Variants in PLCH2 observed in about 807,000 individuals in gnomAD.
PLCH2 encodes 1-phosphatidylinositol 4,5-bisphosphate phosphodiesterase eta-2.
Under a neutral mutation model 134.7 loss-of-function variants are expected in PLCH2, and 98 were observed. The observed-to-expected ratio is 0.73, with a 90% CI of 0.62 to 0.86. The LOEUF (loss-of-function observed/expected upper bound fraction) is 0.86. Among genes scored for constraint, PLCH2 ranks in the 40% least tolerant of loss-of-function variants. PLCH2 has a pLI of 0.00. For synonymous variants in PLCH2, 974 were observed against 827.5 expected, an observed-to-expected ratio of 1.18 and a Z score of -3.04; for missense variants, 1,994 against 1,986.6, an observed-to-expected ratio of 1.00 and a Z score of -0.07.
the PLCH2 span, among the ~76,000 whole-genome samples, chr1:2,416,526 G>A: frequency 1.3e-5 from 2 of 152,190 alleles, no homozygotes; most frequent in African/African-American, 4.8e-5. Context: ...CCCAGGACCT[G>A]GAGGTACCTG....
intron 2 of PLCH2, among the ~76,000 whole-genome samples, chr1:2,443,927 GC>G (rs1414047182): frequency 1.3e-5 from 2 of 151,768 alleles, no homozygotes; most frequent in African/African-American, 4.8e-5. Flanking sequence ...CCTCGCTGCA[GC>G]CGCCACGGAG....
intron 2 of PLCH2, 54 bp downstream of exon 2, chr1:2,478,676 G>T: frequency 1.4e-5 from 21 of 1,527,236 alleles, no homozygotes; most frequent in Admixed American, 1.9e-5. Context: ...GGGACACGAC[G>T]GTAGGGACCC....
At chr1:2,485,422 A>T (rs1248675943) in intron 5 of PLCH2, among the ~76,000 whole-genome samples, 1 of 152,222 alleles carries the variant, frequency 6.6e-6, no homozygotes, top group African/African-American at 2.4e-5. Context: ...GCCACCCTCC[A>T]GCCTCGTAGG....
chr1:2,505,059 T>G lies in PLCH2; in HGVS notation c.4097T>G (p.Leu1366Arg). The G allele has an allele frequency of 6.5e-7, 1 of 1,539,948 alleles. No homozygotes were observed. Among genetic ancestry groups the G allele is most frequent in the East Asian group, 2.4e-5 (1 of 41,224 alleles). ...AQERQQRLQGLGRQGPPEEER... is the reference protein window; with the variant it reads ...AQERQQRLQGRGRQGPPEEER... Reference sequence around the variant, plus strand: ...GAGCGGCAGCAGAGACTGCAGGGCCTGGGCCGGCAGGGACCCCCAGAAGAG... The same window carrying G: ...GAGCGGCAGCAGAGACTGCAGGGCCGGGGCCGGCAGGGACCCCCAGAAGAG... The change falls in exon 22 of 22, where the codon CTG (leucine) becomes CGG (arginine). Residue 1366 changes from leucine (L) to arginine (R), a missense_variant. Leu to Arg is a moderately radical substitution (Grantham distance 102, BLOSUM62 -2). Coordinates refer to ENST00000378486, the MANE Select transcript of PLCH2 (RefSeq NM_014638.4).
intron 2 of PLCH2, chr1:2,430,723 G>A (rs771359718): frequency 1.3e-5 from 2 of 152,244 alleles, no homozygotes; most frequent in Non-Finnish European, 2.9e-5. Flanking sequence ...GGGACAATAC[G>A]GTTCAGGGTT....
In PLCH2 at chr1:2,444,188, CG is replaced by C. The variant is rs1342775031; in HGVS notation, c.115+13563del. Among the ~76,000 whole-genome samples the C allele has an allele frequency of 6.6e-6, 1 of 152,106 alleles. No homozygotes were observed. Among genetic ancestry groups the C allele is most frequent in the African/African-American group, 2.4e-5 (1 of 41,420 alleles). On this transcript the variant is annotated intron_variant, in intron 2 of 3. Transcript: ENST00000609981. This position sits in a 1 kb window ranked among gnomAD's most constrained non-coding sequence, Gnocchi z 4.6. ...TGAGCTCTCCGGATGGCCTCAGGTG[CG>C]GGGTGAGGGATCTGGGGGCCGCCCC...
At chr1:2,457,551 C>T (rs548588920) in intron 2 of PLCH2, among the ~76,000 whole-genome samples, 15 of 152,248 alleles carry the variant, frequency 9.9e-5, no homozygotes, top group African/African-American at 2.6e-4. Flanking sequence ...CTGTGTGTTG[C>T]GGGACGGGGC....
Position 2,498,399 on chromosome 1 carries a change from C to T in PLCH2, c.2225-124C>T. The stretch of plus-strand genomic sequence containing the variant: ...CCCTGGACCACTGCCTCCCTCCCTC[C>T]CCCTGGCACCGGCTCCAGTCTCCTA... On this transcript the variant is annotated intron_variant, in intron 16 of 21. Transcript: ENST00000378486. The surrounding 1 kb of genome is among the most constrained non-coding windows in gnomAD (Gnocchi z 5.4). The T allele has an allele frequency of 3.5e-6, 4 of 1,127,510 alleles. No individual in the cohort carries two copies. 69.8% of individuals were successfully genotyped at this position (1,127,510 alleles called of 1,614,324 possible). A position where few individuals can be genotyped will look rare whatever the true frequency, so the allele number is the denominator to read the frequency against.
intron 2 of PLCH2, among the ~76,000 whole-genome samples, chr1:2,437,174 G>A (rs1265142857): frequency 6.6e-6 from 1 of 152,210 alleles, no homozygotes; most frequent in African/African-American, 2.4e-5. Context: ...AGGTCCCCGG[G>A]TCATGGAGGG....
intron 20 of PLCH2, chr1:2,501,768 G>A (rs562525481): frequency 1.5e-5 from 4 of 266,576 alleles, no homozygotes; most frequent in South Asian, 1.6e-4. Flanking sequence ...GGCCAGGCTG[G>A]GGCTCGAGGT....
rs1246978140 is a variant in PLCH2 at position 2,443,360 on chromosome 1, T to TG, written c.115+12737dup. Among the ~76,000 whole-genome samples, 4 of 151,390 alleles carry TG rather than the reference T, an allele frequency of 2.6e-5. 1 individual carries two copies. In the South Asian group the frequency reaches 8.4e-4, roughly 32 times the overall value. On this transcript the variant is annotated intron_variant, in intron 2 of 3. Coordinates refer to the PLCH2 transcript ENST00000609981. ...TCCTCAAACGCCAGGGTGTTGGGAG[T>TG]GGGGGGTGGGTTGTAGTGTCGCCGG...
intron 2 of PLCH2, among the ~76,000 whole-genome samples, chr1:2,437,908 C>T (rs952380421): frequency 2.6e-5 from 4 of 152,254 alleles, no homozygotes; most frequent in African/African-American, 4.8e-5. Context: ...TTCCAGAACT[C>T]GCCTCTCACC....
intron 2 of PLCH2, chr1:2,479,490 C>T (rs963383551): frequency 6.4e-5 from 30 of 468,980 alleles, no homozygotes; most frequent in African/African-American, 3.7e-4. Flanking sequence ...TGCTCTCCCT[C>T]GTGGGGGCGT....
chr1:2,471,841 C>T (rs1002594785), upstream of PLCH2, among the ~76,000 whole-genome samples: 3 of 152,200 alleles, frequency 2.0e-5, no homozygotes, highest in East Asian at 5.8e-4. Context: ...CCCCCTCCGG[C>T]CTGCTCCCCT....
the PLCH2 span, among the ~76,000 whole-genome samples, chr1:2,420,187 C>T: frequency 6.6e-6 from 1 of 152,118 alleles, no homozygotes; most frequent in Non-Finnish European, 1.5e-5. Context: ...ACATCCCTCT[C>T]AGCTGACCCC....
intron 2 of PLCH2, among the ~76,000 whole-genome samples, chr1:2,460,788 A>G (rs930903521): frequency 6.6e-6 from 1 of 151,972 alleles, no homozygotes; most frequent in African/African-American, 2.4e-5. Flanking sequence ...GGCTGACCTG[A>G]GCTCAGGTTT....
chr1:2,418,164 A>C, the PLCH2 span, among the ~76,000 whole-genome samples: 1 of 152,250 alleles, frequency 6.6e-6, no homozygotes, highest in East Asian at 1.9e-4. Flanking sequence ...AATTCCGGGC[A>C]GAGCCCACGT....
At chr1:2,491,153 C>T (rs370974008) in intron 10 of PLCH2, 39 bp from the exon 11 acceptor site, 23 of 1,592,276 alleles carry the variant, frequency 1.4e-5, no homozygotes, top group East Asian at 6.8e-5. Context: ...TCGCAGGGCT[C>T]GGGACAGATG....
chr1:2,493,936 T>C (rs1364831553), intron 11 of PLCH2: 1 of 152,416 alleles, frequency 6.6e-6, no homozygotes, highest in East Asian at 1.9e-4. Flanking sequence ...TGCAGGGGCG[T>C]GCTGTGGGTG....
Sources: gnomAD v4.1 joint callset for allele counts (sites outside exome capture counted in the v4.1 genomes callset) on GRCh38, gnomAD v4.1.1 for gene constraint, Gnocchi (gnomAD v3.1) non-coding constraint, MANE v1.5 for transcripts, NCBI Gene and HGNC (gene_info 2026-07-23, HGNC 2026-07-21) for gene names.